Variants in PTPRD observed in about 807,000 individuals in gnomAD.
The protein encoded by PTPRD is receptor-type tyrosine-protein phosphatase delta.
In PTPRD, 34 loss-of-function variants were observed where a neutral mutation model predicts 214.5. The observed-to-expected ratio is 0.16, with a 90% confidence interval of 0.12 to 0.21. PTPRD has a LOEUF of 0.21. PTPRD is among the 10% of genes least tolerant of loss of function. The pLI, the probability that PTPRD is intolerant of heterozygous loss-of-function variation, is 1.00. For missense variants in PTPRD, 2,545 were observed against 2,398.7 expected (o/e 1.06, Z -1.27); for synonymous variants, 1,128 against 845.7 (o/e 1.33, Z -5.79).
At chr9:9,102,785 G>C (rs1281182641) in intron 10 of PTPRD, among the ~76,000 whole-genome samples, 1 of 152,174 alleles carries the variant, frequency 6.6e-6, no homozygotes, top group African/African-American at 2.4e-5. Flanking sequence ...AACTGGTAGA[G>C]ATTTTTTCTC....
intron 5 of PTPRD, among the ~76,000 whole-genome samples, chr9:9,832,566 A>T (rs2153607686): frequency 6.6e-6 from 1 of 152,086 alleles, no homozygotes; most frequent in East Asian, 1.9e-4. Flanking sequence ...GACTTTGGTT[A>T]CCTCATTCAT....
At chr9:10,313,235 C>T (rs2096319565) in intron 3 of PTPRD, among the ~76,000 whole-genome samples, 1 of 151,902 alleles carries the variant, frequency 6.6e-6, no homozygotes, top group South Asian at 2.1e-4. Context: ...CTGATAATTA[C>T]ACACAGCTTG....
At chr9:8,782,735 T>C (rs564018631) in intron 11 of PTPRD, among the ~76,000 whole-genome samples, 38 of 151,786 alleles carry the variant, frequency 2.5e-4, no homozygotes, top group African/African-American at 6.3e-4. Flanking sequence ...GTAGCTGGGA[T>C]TACAGGCGCA....
At chr9:9,412,458 A>T (rs2075755900) in intron 8 of PTPRD, among the ~76,000 whole-genome samples, 1 of 132,362 alleles carries the variant, frequency 7.6e-6, no homozygotes, top group East Asian at 2.1e-4. Flanking sequence ...GGGCACAGAT[A>T]GAGACTCTCA....
At chr9:10,514,780 G>A (rs2049457358) in intron 2 of PTPRD, among the ~76,000 whole-genome samples, 1 of 151,890 alleles carries the variant, frequency 6.6e-6, no homozygotes, top group Non-Finnish European at 1.5e-5. Context: ...GATTTAATAG[G>A]CATCACAGTG....
chr9:9,166,404 C>A (rs2099904049), intron 10 of PTPRD, among the ~76,000 whole-genome samples: 1 of 152,098 alleles, frequency 6.6e-6, no homozygotes. Context: ...AGCCTCTAGG[C>A]TCCTAGCATT....
chr9:9,528,380 G>T (rs932411397), intron 8 of PTPRD, among the ~76,000 whole-genome samples: 1 of 152,086 alleles, frequency 6.6e-6, no homozygotes, highest in Non-Finnish European at 1.5e-5. Flanking sequence ...ACATCATCTA[G>T]CACCTTCAGA....
chr9:9,615,508 G>A (rs139093072), intron 7 of PTPRD, among the ~76,000 whole-genome samples: 125 of 152,254 alleles, frequency 8.2e-4, no homozygotes, highest in Non-Finnish European at 1.5e-3. Flanking sequence ...TGTCTGCTTA[G>A]GTTGCCATAT....
At chr9:9,037,382 G>C (rs1009057540) in intron 10 of PTPRD, among the ~76,000 whole-genome samples, 2 of 152,114 alleles carry the variant, frequency 1.3e-5, no homozygotes, top group African/African-American at 4.8e-5. Context: ...AGAGACAATA[G>C]TTTGTGTTAG....
chr9:10,464,328 C>T (rs942186583), intron 2 of PTPRD, among the ~76,000 whole-genome samples: 2 of 151,616 alleles, frequency 1.3e-5, no homozygotes, highest in African/African-American at 4.8e-5. Flanking sequence ...TGCAGTGTGC[C>T]GAGGTCATGT....
chr9:9,928,869 A>C (rs912174878), intron 5 of PTPRD, among the ~76,000 whole-genome samples: 1 of 151,876 alleles, frequency 6.6e-6, no homozygotes, highest in African/African-American at 2.4e-5. Flanking sequence ...CTATTATTTC[A>C]CTTGGTAATA....
At chr9:8,783,844 A>T (rs977355183) in intron 11 of PTPRD, among the ~76,000 whole-genome samples, 4 of 152,198 alleles carry the variant, frequency 2.6e-5, no homozygotes, top group African/African-American at 9.6e-5. Context: ...TACCCTCCAA[A>T]AAAGAAAAAT....
At chr9:9,416,388 T>A (rs2077003382) in intron 8 of PTPRD, among the ~76,000 whole-genome samples, 1 of 152,202 alleles carries the variant, frequency 6.6e-6, no homozygotes. Flanking sequence ...CTGTGCTCTT[T>A]AATGAGCCTC....
At chr9:10,424,801 T>C (rs1246840125) in intron 2 of PTPRD, among the ~76,000 whole-genome samples, 1 of 151,900 alleles carries the variant, frequency 6.6e-6, no homozygotes, top group Non-Finnish European at 1.5e-5. Context: ...TGGAAATAAA[T>C]AAAAAATGTA....
In PTPRD at chr9:10,447,610, T is replaced by A. The variant is rs1001477961; in HGVS notation, c.-599-106593A>T. 3.3e-5 allele frequency among the ~76,000 whole-genome samples: 5 copies of A among 152,114 alleles called. No homozygotes were observed. In the East Asian group the frequency reaches 9.6e-4, roughly 29 times the overall value. On this transcript the variant is annotated intron_variant, in intron 2 of 45. Coordinates refer to ENST00000381196, the MANE Select transcript of PTPRD (RefSeq NM_002839.4). ...CAATAATATAACTAATCATACTATA[T>A]ACAAATATTTGTTTTTTATTTCTCA...
intron 4 of PTPRD, among the ~76,000 whole-genome samples, chr9:9,972,962 CTTAAA>C (rs1357156818): frequency 6.6e-6 from 1 of 152,034 alleles, no homozygotes; most frequent in Non-Finnish European, 1.5e-5. Context: ...TTCACAGGTT[CTTAAA>C]TTAAGGCATA....
chr9:8,515,616 G>A (rs2097769317), intron 21 of PTPRD, among the ~76,000 whole-genome samples: 1 of 152,162 alleles, frequency 6.6e-6, no homozygotes, highest in Non-Finnish European at 1.5e-5. Flanking sequence ...ATGCTTTTGG[G>A]AAGAACATAA....
chr9:9,650,731 C>A (rs1321145353), intron 7 of PTPRD, among the ~76,000 whole-genome samples: 1 of 151,830 alleles, frequency 6.6e-6, no homozygotes, highest in East Asian at 1.9e-4. Flanking sequence ...CCCCATGACA[C>A]AAGTTTATCT....
Position 8,550,646 on chromosome 9 carries a change from C to T in PTPRD, c.353-21867G>A, listed in dbSNP as rs192680390. On this transcript the variant is annotated intron_variant, in intron 14 of 45. Transcript: ENST00000381196. ...AAGAAGAGATCATGATTTTCAATCA[C>T]CTAAATAAATCTAAATCCATATGCA... 3.3e-5 allele frequency among the ~76,000 whole-genome samples: 5 copies of T among 152,244 alleles called. No individual in the cohort carries two copies. In the East Asian group the frequency reaches 9.7e-4, roughly 29 times the overall value.
Sources: allele counts gnomAD v4.1 joint callset (sites outside exome capture counted in the v4.1 genomes callset), GRCh38; gene constraint gnomAD v4.1.1; transcripts MANE v1.5; gene names NCBI Gene and HGNC (gene_info 2026-07-23, HGNC 2026-07-21).